Variants in MAGT1 observed in about 807,000 individuals in gnomAD.
MAGT1 encodes the protein magnesium transporter 1.
A neutral mutation model predicts 28.4 loss-of-function variants in MAGT1; 4 were observed. The ratio of observed to expected loss-of-function variants is 0.14; its 90% CI spans 0.07 to 0.32. The LOEUF is 0.32. Ranked by LOEUF, MAGT1 falls within the 10% of genes least tolerant of loss-of-function variation. The pLI is 1.00. For missense variants in MAGT1, 193 were observed against 264.5 expected (o/e 0.73, Z 1.88); for synonymous variants, 89 against 89.7 (o/e 0.99, Z 0.04).
chrX:77,835,486 G>T (rs1045016808), intron 8 of MAGT1, among the ~76,000 whole-genome samples: 1 of 111,606 alleles, frequency 9.0e-6, no homozygotes, highest in African/African-American at 3.3e-5. Flanking sequence ...TACACTGTTG[G>T]GGGGAATGTA....
chrX:77,832,717 C>T (rs2076902014), intron 8 of MAGT1, among the ~76,000 whole-genome samples: 1 of 106,742 alleles, frequency 9.4e-6, no homozygotes, highest in Non-Finnish European at 1.9e-5. Flanking sequence ...CCTGTAATCC[C>T]AGCTACTCGG....
At chrX:77,856,107 A>C in intron 5 of MAGT1, among the ~76,000 whole-genome samples, 1 of 111,354 alleles carries the variant, frequency 9.0e-6, no homozygotes, top group East Asian at 2.8e-4. Context: ...TGCAGACACA[A>C]GTTTCAAAAT....
intron 7 of MAGT1, among the ~76,000 whole-genome samples, chrX:77,850,119 AATT>A (rs1557215387): frequency 9.0e-6 from 1 of 110,859 alleles, no homozygotes; most frequent in Non-Finnish European, 1.9e-5. Context: ...TCAGTCTATT[AATT>A]ATTATCAACC....
chrX:77,844,907 G>T (rs1388467883), intron 7 of MAGT1, among the ~76,000 whole-genome samples: 1 of 111,714 alleles, frequency 9.0e-6, no homozygotes, highest in African/African-American at 3.3e-5. Context: ...GTGCTGCAAA[G>T]AATGTATATT....
chrX:77,847,613 T>C (rs1408478940), intron 7 of MAGT1, among the ~76,000 whole-genome samples: 22 of 104,885 alleles, frequency 2.1e-4, no homozygotes, highest in East Asian at 6.0e-4. Flanking sequence ...TTCTTTCTTT[T>C]TTTTTTTTTT....
chrX:77,895,547 T>G (rs897707593), upstream of MAGT1: 1 of 1,091,630 alleles, frequency 9.2e-7, no homozygotes, highest in East Asian at 3.3e-5. Context: ...TCACATTACG[T>G]CACAGCGCGC....
At chrX:77,845,155 T>C (rs1475836841) in intron 7 of MAGT1, among the ~76,000 whole-genome samples, 2 of 111,878 alleles carry the variant, frequency 1.8e-5, no homozygotes, top group Non-Finnish European at 3.8e-5. Flanking sequence ...ATATTTAGGA[T>C]AGTTAGCTCT....
intron 7 of MAGT1, among the ~76,000 whole-genome samples, chrX:77,842,409 T>C (rs185764060): frequency 9.0e-6 from 1 of 111,386 alleles, no homozygotes; most frequent in Non-Finnish European, 1.9e-5. Flanking sequence ...AAATTCTCCA[T>C]ATTTTCAATA....
At position 77,825,937 on chromosome X, in the gene MAGT1, T is replaced by C. The variant is rs2076882037; in HGVS notation, c.*3283A>G. On this transcript the variant is annotated 3_prime_UTR_variant, in exon 10 of 10. Transcript: ENST00000618282. Reference sequence around the variant, plus strand: ...CTAAAAGCCAGATCTCTTTACTTCCTGTGCAGTGTTTCTACTCCATGTTTG... The same window carrying C: ...CTAAAAGCCAGATCTCTTTACTTCCCGTGCAGTGTTTCTACTCCATGTTTG... Among the ~76,000 whole-genome samples the C allele has an allele frequency of 8.9e-6, 1 of 112,920 alleles. No homozygotes were observed. The highest frequency in any genetic ancestry group is 3.6e-4 in the South Asian group (1 of 2,793).
At chrX:77,873,607 G>A (rs1353693999) in intron 2 of MAGT1, among the ~76,000 whole-genome samples, 1 of 111,461 alleles carries the variant, frequency 9.0e-6, no homozygotes, top group Non-Finnish European at 1.9e-5. Context: ...AGAAACCATT[G>A]TTTGATGAAA....
intron 1 of MAGT1, among the ~76,000 whole-genome samples, chrX:77,890,896 T>A (rs1290587963): frequency 2.7e-5 from 3 of 111,457 alleles, no homozygotes; most frequent in African/African-American, 9.8e-5. Flanking sequence ...CAGACTTTTT[T>A]GGAAAACTGG....
chrX:77,886,246 G>A (rs1308717280), intron 1 of MAGT1, among the ~76,000 whole-genome samples: 2 of 111,853 alleles, frequency 1.8e-5, no homozygotes, highest in Non-Finnish European at 3.8e-5. Context: ...TAGTGATAAA[G>A]TAACCCAAAA....
At chrX:77,850,474 CA>C (rs1239317435) in intron 7 of MAGT1, among the ~76,000 whole-genome samples, 9 of 46,162 alleles carry the variant, frequency 1.9e-4, no homozygotes, top group South Asian at 1.2e-3. Flanking sequence ...AGACTCCACT[CA>C]AAAAAAAAAG....
In MAGT1 at chrX:77,861,111, G is replaced by A. The variant is rs781863445; in HGVS notation, c.391-3614C>T. On this transcript the variant is annotated intron_variant, in intron 3 of 9. Transcript: ENST00000618282. ...GGAGAATCGCTTGAACCCGGGAAAC[G>A]GAGGTTGTGGTGAGCCGAGATCGTG... Among the ~76,000 whole-genome samples, 195 of 109,490 alleles carry A rather than the reference G, an allele frequency of 1.8e-3. 2 individuals carry two copies. Among genetic ancestry groups the A allele is most frequent in the African/African-American group, 5.9e-3 (176 of 30,068 alleles).
chrX:77,851,040 G>A (rs1247676330), intron 7 of MAGT1, among the ~76,000 whole-genome samples: 9 of 100,382 alleles, frequency 9.0e-5, no homozygotes, highest in African/African-American at 3.4e-4. Flanking sequence ...TGGCAGTCTC[G>A]GCTTACTGCA....
At chrX:77,834,525 G>A (rs1342668862) in intron 8 of MAGT1, among the ~76,000 whole-genome samples, 5 of 108,349 alleles carry the variant, frequency 4.6e-5, no homozygotes, top group African/African-American at 6.7e-5. Flanking sequence ...GTAGAGACAG[G>A]GTTTCACCAT....
intron 8 of MAGT1, among the ~76,000 whole-genome samples, chrX:77,840,357 A>C (rs1557214293): frequency 9.2e-6 from 1 of 109,236 alleles, no homozygotes; most frequent in Non-Finnish European, 1.9e-5. Flanking sequence ...AATCACTTGA[A>C]CCTGGGAGGC....
upstream of MAGT1, chrX:77,895,553 C>T (rs1391290929): frequency 2.8e-6 from 3 of 1,070,049 alleles, no homozygotes; most frequent in South Asian, 2.2e-5. Flanking sequence ...TACGTCACAG[C>T]GCGCTGGCGC....
chrX:77,846,835 C>T (rs1190123057), intron 7 of MAGT1, among the ~76,000 whole-genome samples: 2 of 111,838 alleles, frequency 1.8e-5, no homozygotes, highest in Non-Finnish European at 3.8e-5. Context: ...AGGTGTCAGT[C>T]TGTCCCTACT....
Sources: allele counts gnomAD v4.1 joint callset (sites outside exome capture counted in the v4.1 genomes callset), GRCh38; gene constraint gnomAD v4.1.1; transcripts MANE v1.5; gene names NCBI Gene and HGNC (gene_info 2026-07-23, HGNC 2026-07-21).